The following PXDNL variants were observed in gnomAD, a reference collection of about 807,000 sequenced individuals.
The protein encoded by PXDNL is probable oxidoreductase PXDNL.
In PXDNL, 145 loss-of-function variants were observed where a neutral mutation model predicts 150.8. That is an observed-to-expected ratio of 0.96 (90% confidence interval 0.84 to 1.10). The LOEUF (loss-of-function observed/expected upper bound fraction) is 1.10, where lower values mean the gene tolerates loss of function less well. Among genes scored for constraint, PXDNL ranks in the 50% least tolerant of loss-of-function variants. The probability of loss-of-function intolerance (pLI) is 0.00; values close to 1 mark genes in which losing one functional copy is unlikely to be tolerated. For synonymous variants in PXDNL, 757 were observed against 725.7 expected, an observed-to-expected ratio of 1.04 and a Z score of -0.69; for missense variants, 2,087 against 1,873.9, an observed-to-expected ratio of 1.11 and a Z score of -2.10.
At chr8:51,358,451 A>T (rs1309812994) in intron 19 of PXDNL, among the ~76,000 whole-genome samples, 1 of 152,196 alleles carries the variant, frequency 6.6e-6, no homozygotes, top group Non-Finnish European at 1.5e-5. Flanking sequence ...GTGTCGGTAC[A>T]TTCCTGGCCC....
At chr8:51,783,127 G>A (rs1563320117) in intron 1 of PXDNL, among the ~76,000 whole-genome samples, 3 of 152,304 alleles carry the variant, frequency 2.0e-5, no homozygotes, top group East Asian at 3.9e-4. Context: ...TTAAAAATCA[G>A]TGCCGTTTTA....
At chr8:51,759,820 A>C (rs936502024) in intron 1 of PXDNL, among the ~76,000 whole-genome samples, 11 of 152,226 alleles carry the variant, frequency 7.2e-5, no homozygotes, top group Admixed American at 2.6e-4. Context: ...TTTCCTGCCC[A>C]GTGAAATATC....
intron 5 of PXDNL, among the ~76,000 whole-genome samples, chr8:51,498,003 T>C (rs1459779738): frequency 6.6e-6 from 1 of 152,116 alleles, no homozygotes; most frequent in Non-Finnish European, 1.5e-5. Context: ...GTGGCACTAT[T>C]CACAATAGCA....
intron 4 of PXDNL, among the ~76,000 whole-genome samples, chr8:51,549,821 ATAACAATGATCAGAGCAGAAC>A (rs1184241785): frequency 2.0e-5 from 3 of 152,280 alleles, no homozygotes; most frequent in African/African-American, 7.2e-5. Flanking sequence ...AAGAAAAGAA[ATAACAATGATCAGAGCAGAAC>A]TAAATGAAAT....
At chr8:51,739,854 A>G (rs925591750) in intron 1 of PXDNL, among the ~76,000 whole-genome samples, 1 of 146,052 alleles carries the variant, frequency 6.8e-6, no homozygotes, top group African/African-American at 2.6e-5. Flanking sequence ...CCAGCCTGAG[A>G]AAAAGAGCGA....
chr8:51,640,324 A>G (rs1380861060), intron 2 of PXDNL, among the ~76,000 whole-genome samples: 1 of 152,170 alleles, frequency 6.6e-6, no homozygotes, highest in East Asian at 1.9e-4. Flanking sequence ...CACCACTCCT[A>G]TTCAACATAG....
At chr8:51,548,414 G>A (rs777414254) in intron 4 of PXDNL, among the ~76,000 whole-genome samples, 19 of 152,090 alleles carry the variant, frequency 1.2e-4, no homozygotes, top group African/African-American at 1.9e-4. Flanking sequence ...TCAAGATGAA[G>A]GGAAAAATCT....
At chr8:51,705,836 C>CGTGTGTGTGT (rs1816366202) in intron 1 of PXDNL, among the ~76,000 whole-genome samples, 1 of 29,270 alleles carries the variant, frequency 3.4e-5, no homozygotes, top group Non-Finnish European at 1.6e-4. Flanking sequence ...TGTGTGTGCG[C>CGTGTGTGTGT]GCGCGCGCGC....
At chr8:51,736,083 G>T (rs1698777221) in intron 1 of PXDNL, among the ~76,000 whole-genome samples, 1 of 152,116 alleles carries the variant, frequency 6.6e-6, no homozygotes, top group Non-Finnish European at 1.5e-5. Context: ...ACATTTAGAA[G>T]ATAACATCAT....
Position 51,547,792 on chromosome 8 carries a change from C to T in PXDNL, c.380+9048G>A, listed in dbSNP as rs79444572. Among the ~76,000 whole-genome samples the T allele has an allele frequency of 6.1e-3, 935 of 152,302 alleles. 3 individuals carry two copies. The highest frequency in any genetic ancestry group is 0.021 in the African/African-American group (889 of 41,552). ...AGTATGACAAAACACCGTTCTACAA[C>T]ATCCCCAAAAGCTCACACTAGCTCT... On this transcript the variant is annotated intron_variant, in intron 4 of 22. Transcript: ENST00000356297.
At chr8:51,466,314 A>G (rs183680643) in intron 8 of PXDNL, among the ~76,000 whole-genome samples, 1 of 152,318 alleles carries the variant, frequency 6.6e-6, no homozygotes, top group East Asian at 1.9e-4. Context: ...TCCCTATTCA[A>G]TAAATGGTGC....
At chr8:51,661,517 C>T (rs1253280791) in intron 1 of PXDNL, among the ~76,000 whole-genome samples, 1 of 152,182 alleles carries the variant, frequency 6.6e-6, no homozygotes, top group Non-Finnish European at 1.5e-5. Context: ...AGAGGAAAGC[C>T]CCAGGTCCGC....
At chr8:51,552,317 T>A (rs1812507142) in intron 4 of PXDNL, among the ~76,000 whole-genome samples, 1 of 152,132 alleles carries the variant, frequency 6.6e-6, no homozygotes, top group Admixed American at 6.5e-5. Context: ...GATCCAGCAA[T>A]CCCACTACTG....
At chr8:51,595,983 T>C (rs1268897482) in intron 2 of PXDNL, among the ~76,000 whole-genome samples, 3 of 152,124 alleles carry the variant, frequency 2.0e-5, no homozygotes, top group Admixed American at 2.0e-4. Context: ...AGGTTTGGGG[T>C]ATGGATAATC....
At chr8:51,693,196 C>T (rs1816036895) in intron 1 of PXDNL, among the ~76,000 whole-genome samples, 1 of 152,146 alleles carries the variant, frequency 6.6e-6, no homozygotes, top group Non-Finnish European at 1.5e-5. Flanking sequence ...ATAAGAAAAT[C>T]TTTTCCCTTT....
chr8:51,594,323 T>G (rs758003176), intron 2 of PXDNL, among the ~76,000 whole-genome samples: 16 of 152,228 alleles, frequency 1.1e-4, no homozygotes, highest in Non-Finnish European at 1.5e-5. Context: ...GACTATTTTC[T>G]TAAATCTTCC....
intron 3 of PXDNL, among the ~76,000 whole-genome samples, chr8:51,587,703 G>A (rs1180323074): frequency 2.0e-5 from 3 of 152,124 alleles, no homozygotes; most frequent in Non-Finnish European, 4.4e-5. Flanking sequence ...TGAAACAACA[G>A]AGGCATTTAA....
intron 10 of PXDNL, among the ~76,000 whole-genome samples, chr8:51,451,907 A>T (rs1261125506): frequency 6.6e-6 from 1 of 152,212 alleles, no homozygotes; most frequent in East Asian, 1.9e-4. Context: ...CAGATCCAAA[A>T]GTGACACAAG....
chr8:51,442,422 G>A (rs568665462), intron 12 of PXDNL, among the ~76,000 whole-genome samples: 38 of 151,660 alleles, frequency 2.5e-4, no homozygotes, highest in African/African-American at 9.0e-4. Context: ...GATGACAGTA[G>A]AAATCTTTGG....
Sources: allele counts gnomAD v4.1 joint callset (sites outside exome capture counted in the v4.1 genomes callset), GRCh38; gene constraint gnomAD v4.1.1; transcripts MANE v1.5; gene names NCBI Gene and HGNC (gene_info 2026-07-23, HGNC 2026-07-21).